The following CNTN5 variants were observed in gnomAD, a reference collection of about 807,000 sequenced individuals.
CNTN5 encodes the protein contactin-5.
Under a neutral mutation model 129.1 loss-of-function variants are expected in CNTN5, and 77 were observed. The ratio of observed to expected loss-of-function variants is 0.60; its 90% CI spans 0.50 to 0.72. The LOEUF is 0.72. Among genes scored for constraint, CNTN5 ranks in the 30% least tolerant of loss-of-function variants. The pLI, the probability that CNTN5 is intolerant of heterozygous loss-of-function variation, is 0.00. For synonymous variants in CNTN5, 509 were observed against 465.6 expected (o/e 1.09, Z -1.20); for missense variants, 1,478 against 1,328.8 (o/e 1.11, Z -1.75).
At chr11:100,169,144 A>G (rs1947746800) in intron 13 of CNTN5, among the ~76,000 whole-genome samples, 2 of 151,994 alleles carry the variant, frequency 1.3e-5, no homozygotes, top group Admixed American at 6.6e-5. Flanking sequence ...TGAAGATGCT[A>G]TGAACACTGA....
intron 2 of CNTN5, among the ~76,000 whole-genome samples, chr11:99,413,675 CA>C (rs1378473088): frequency 6.6e-6 from 1 of 151,948 alleles, no homozygotes; most frequent in African/African-American, 2.4e-5. Flanking sequence ...AAGATTTCAC[CA>C]GAAATAACAA....
chr11:100,230,049 C>G (rs1380895366), intron 16 of CNTN5, among the ~76,000 whole-genome samples: 2 of 152,100 alleles, frequency 1.3e-5, no homozygotes, highest in Admixed American at 1.3e-4. Flanking sequence ...AAGACAATGA[C>G]AAATGTTTTC....
intron 6 of CNTN5, among the ~76,000 whole-genome samples, chr11:99,891,322 C>G (rs1362546732): frequency 6.6e-6 from 1 of 150,852 alleles, no homozygotes; most frequent in Non-Finnish European, 1.5e-5. Flanking sequence ...TTTTGATGTC[C>G]CAATATCTTT....
intron 2 of CNTN5, among the ~76,000 whole-genome samples, chr11:99,498,143 T>G (rs1946297071): frequency 6.6e-6 from 1 of 152,180 alleles, no homozygotes; most frequent in African/African-American, 2.4e-5. Context: ...AGGTTACATT[T>G]TCCATGTCTT....
Position 100,162,367 on chromosome 11 carries a change from GCAATGT to G in CNTN5, c.1581-28758_1581-28753del, listed in dbSNP as rs1308641482. ...TCTATTCACTAAACAGAACTAACTAGCAATGTTTTGTTAGCCTAATACTAGTTATTG... is the reference window on the plus strand; with the variant it reads ...TCTATTCACTAAACAGAACTAACTAGTTTGTTAGCCTAATACTAGTTATTG... On this transcript the variant is annotated intron_variant, in intron 13 of 24. Transcript: ENST00000524871. 3.3e-5 allele frequency among the ~76,000 whole-genome samples: 5 copies of G among 151,724 alleles called. No individual in the cohort carries two copies. The East Asian group carries it at 9.7e-4, about 29-fold the overall frequency.
Position 99,942,466 on chromosome 11 carries a change from TTAA to T in CNTN5, c.674-14338_674-14336del, listed in dbSNP as rs570916817. On this transcript the variant is annotated intron_variant, in intron 7 of 24. Coordinates refer to ENST00000524871, the MANE Select transcript of CNTN5 (RefSeq NM_014361.4). ...TGTTGTAAGCAAACTGGTGCACGAG[TTAA>T]TGATGTATCTACAAAATTTCAGAAA... is the stretch of plus-strand genomic sequence containing the variant. Among the ~76,000 whole-genome samples the T allele has an allele frequency of 1.1e-3, 164 of 151,944 alleles. 1 individual carries two copies. The highest frequency in any genetic ancestry group is 3.9e-3 in the African/African-American group (160 of 41,474).
At chr11:100,311,532 T>A (rs966704033) in intron 21 of CNTN5, among the ~76,000 whole-genome samples, 4 of 151,974 alleles carry the variant, frequency 2.6e-5, no homozygotes, top group Admixed American at 2.0e-4. Context: ...CCAGCTAAGA[T>A]CACTGAATAT....
At chr11:99,657,538 C>T (rs980220033) in intron 3 of CNTN5, among the ~76,000 whole-genome samples, 1 of 152,058 alleles carries the variant, frequency 6.6e-6, no homozygotes, top group African/African-American at 2.4e-5. Context: ...TATTACTACC[C>T]AGTAATGACA....
chr11:100,256,379 T>G (rs1312859796), intron 17 of CNTN5, among the ~76,000 whole-genome samples: 1 of 152,164 alleles, frequency 6.6e-6, no homozygotes, highest in Admixed American at 6.5e-5. Context: ...CTATGAAATT[T>G]TATTATGTAG....
intron 3 of CNTN5, among the ~76,000 whole-genome samples, chr11:99,777,001 T>C (rs765726047): frequency 9.2e-5 from 14 of 151,878 alleles, no homozygotes; most frequent in Non-Finnish European, 1.8e-4. Flanking sequence ...CTAACCAAAA[T>C]GTTATATTGA....
At chr11:99,327,957 G>C (rs1157902118) in intron 2 of CNTN5, among the ~76,000 whole-genome samples, 5 of 152,084 alleles carry the variant, frequency 3.3e-5, no homozygotes, top group Non-Finnish European at 7.4e-5. Flanking sequence ...AATGGCTCTA[G>C]GTTTATAGAT....
chr11:99,695,532 A>G (rs1368759944), intron 3 of CNTN5, among the ~76,000 whole-genome samples: 1 of 152,080 alleles, frequency 6.6e-6, no homozygotes, highest in Non-Finnish European at 1.5e-5. Flanking sequence ...TGAGTATAAA[A>G]TATTTTATAT....
chr11:100,236,566 A>C (rs1256271644), intron 16 of CNTN5, among the ~76,000 whole-genome samples: 1 of 152,124 alleles, frequency 6.6e-6, no homozygotes, highest in Middle Eastern at 3.2e-3. Flanking sequence ...CAGCATAGAA[A>C]ACAATTTGGG....
At chr11:99,808,063 A>C (rs1020098813) in intron 3 of CNTN5, among the ~76,000 whole-genome samples, 10 of 152,150 alleles carry the variant, frequency 6.6e-5, no homozygotes, top group Non-Finnish European at 4.4e-5. Context: ...CCGATTTGGA[A>C]GGGTACTATA....
intron 3 of CNTN5, among the ~76,000 whole-genome samples, chr11:99,599,881 A>C (rs1381884535): frequency 1.3e-5 from 2 of 152,292 alleles, no homozygotes; most frequent in Middle Eastern, 3.4e-3. Context: ...CTAGATCATT[A>C]ATATTTAATA....
intron 2 of CNTN5, among the ~76,000 whole-genome samples, chr11:99,366,703 C>G (rs1939465442): frequency 6.6e-6 from 1 of 152,126 alleles, no homozygotes; most frequent in African/African-American, 2.4e-5. Context: ...GTTGGCATCT[C>G]TCTACATTGA....
At chr11:100,053,836 A>T (rs1388790488) in intron 9 of CNTN5, among the ~76,000 whole-genome samples, 2 of 151,828 alleles carry the variant, frequency 1.3e-5, no homozygotes, top group Non-Finnish European at 3.0e-5. Context: ...CTGGATAAAC[A>T]AACTGTAGCA....
At chr11:99,525,234 T>C (rs933517266) in intron 2 of CNTN5, among the ~76,000 whole-genome samples, 3 of 152,162 alleles carry the variant, frequency 2.0e-5, no homozygotes, top group African/African-American at 7.2e-5. Context: ...GGACACTAGT[T>C]AATGAATCTG....
chr11:100,243,940 G>A (rs1490210954), intron 16 of CNTN5, among the ~76,000 whole-genome samples: 1 of 152,062 alleles, frequency 6.6e-6, no homozygotes, highest in East Asian at 1.9e-4. Context: ...TCCTCCTCCA[G>A]ACTCTCCCTT....
Sources: allele counts gnomAD v4.1 joint callset (sites outside exome capture counted in the v4.1 genomes callset), GRCh38; gene constraint gnomAD v4.1.1; transcripts MANE v1.5; gene names NCBI Gene and HGNC (gene_info 2026-07-23, HGNC 2026-07-21).